The following TEKT5 variants were observed in gnomAD, a reference collection of about 807,000 sequenced individuals.
The protein encoded by TEKT5 is tektin 5, also known as tektin-5.
A neutral mutation model predicts 48.7 loss-of-function variants in TEKT5; 52 were observed. The observed-to-expected ratio is 1.07, with a 90% confidence interval of 0.86 to 1.35. The LOEUF is 1.35. Among genes scored for constraint, TEKT5 ranks in the 40% most tolerant of loss-of-function variants. The pLI is 0.00. For synonymous variants in TEKT5, 318 were observed against 267.6 expected, an observed-to-expected ratio of 1.19 and a Z score of -1.84; for missense variants, 831 against 641.6, an observed-to-expected ratio of 1.30 and a Z score of -3.19.
At position 10,694,460 on chromosome 16, in the gene TEKT5, G is replaced by A. The variant is rs1284154948; in HGVS notation, c.414C>T (p.Cys138=). ...CCGACAGCCTCTGGCCCAGGTTCCG[G>A]CAGGTGCCCTCCTGCATCTGGTGCG... The part of the protein sequence containing the change: ...QLTHQMQEGT[C]RNLGQRLSDI... Residue 138 remains cysteine (C), a synonymous_variant, in exon 1 of 7, where the codon TGC becomes TGT. Coordinates refer to ENST00000283025, the MANE Select transcript of TEKT5 (RefSeq NM_144674.2). The A allele has an allele frequency of 1.2e-6, 2 of 1,614,156 alleles. No individual in the cohort carries two copies. Among genetic ancestry groups the A allele is most frequent in the Non-Finnish European group, 1.7e-6 (2 of 1,180,036 alleles).
intron 5 of TEKT5, among the ~76,000 whole-genome samples, chr16:10,663,387 T>G (rs1898407157): frequency 6.6e-6 from 1 of 152,236 alleles, no homozygotes; most frequent in South Asian, 2.1e-4. Context: ...CTGGATGTTT[T>G]GTGCAACCTT....
At chr16:10,689,873 G>A (rs1898936611) in intron 2 of TEKT5, 69 bp downstream of exon 2, 1 of 1,500,212 alleles carries the variant, frequency 6.7e-7, no homozygotes, top group Non-Finnish European at 9.2e-7. Flanking sequence ...AGGTAGCTCA[G>A]TAATTTCTCT....
At chr16:10,649,536 G>C (rs1215381108) in intron 5 of TEKT5, among the ~76,000 whole-genome samples, 3 of 151,946 alleles carry the variant, frequency 2.0e-5, no homozygotes, top group Non-Finnish European at 2.9e-5. Flanking sequence ...CAGGCCTCAA[G>C]TGATCCTCCC....
chr16:10,685,743 CTCT>C (rs1898853019), intron 3 of TEKT5, among the ~76,000 whole-genome samples: 1 of 152,156 alleles, frequency 6.6e-6, no homozygotes, highest in Admixed American at 6.6e-5. Context: ...CTCTGTTTAT[CTCT>C]TCATGTCTCT....
chr16:10,667,522 T>C (rs1898478621), intron 5 of TEKT5, among the ~76,000 whole-genome samples: 1 of 152,236 alleles, frequency 6.6e-6, no homozygotes, highest in Admixed American at 6.5e-5. Context: ...TGTCTGTAAA[T>C]ATCATCCGAC....
chr16:10,689,254 G>C lies in TEKT5; in HGVS notation c.718C>G (p.Arg240Gly). Residue 240 changes from arginine (R) to glycine (G), a missense_variant and splice_region_variant, in exon 3 of 7, where the codon CGG (arginine) becomes GGG (glycine). Coordinates refer to ENST00000283025, the MANE Select transcript of TEKT5 (RefSeq NM_144674.2). The part of the protein sequence containing the change: ...KLAQRIDIQM[R>G]DNRDAQHVLE... ...ATTAAAAAAAAAAAAAGCCCTTACC[G>C]CATCTGGATATCAATTCTTTGAGCT... The C allele has an allele frequency of 6.3e-7, 1 of 1,591,930 alleles. No individual in the cohort carries two copies. Among genetic ancestry groups the C allele is most frequent in the African/African-American group, 1.4e-5 (1 of 72,752 alleles).
At chr16:10,681,554 C>G (rs566720387) in intron 4 of TEKT5, among the ~76,000 whole-genome samples, 2 of 152,064 alleles carry the variant, frequency 1.3e-5, no homozygotes, top group South Asian at 4.1e-4. Flanking sequence ...CACCAGCCGA[C>G]CCCAGTTGGT....
intron 3 of TEKT5, among the ~76,000 whole-genome samples, 194 bp from the exon 4 acceptor site, chr16:10,682,330 CTTTT>C (rs34813327): frequency 4.7e-5 from 7 of 149,000 alleles, no homozygotes; most frequent in Non-Finnish European, 7.5e-5. Context: ...GTCCTTTATT[CTTTT>C]TTTTTTGTTT....
chr16:10,647,892 A>G (rs1195608938), intron 5 of TEKT5, among the ~76,000 whole-genome samples: 1 of 152,254 alleles, frequency 6.6e-6, no homozygotes, highest in Non-Finnish European at 1.5e-5. Context: ...CCGAGTAACC[A>G]CAACAGCTGG....
chr16:10,677,754 G>A (rs1898673741), intron 4 of TEKT5, among the ~76,000 whole-genome samples: 2 of 116,840 alleles, frequency 1.7e-5, no homozygotes, highest in Admixed American at 1.5e-4. Context: ...GGAGGTAGCA[G>A]GAGAAGAAAT....
chr16:10,657,997 G>T (rs1898292065), intron 5 of TEKT5, among the ~76,000 whole-genome samples: 1 of 152,010 alleles, frequency 6.6e-6, no homozygotes, highest in South Asian at 2.1e-4. Context: ...AGTTACAGTT[G>T]TCCAGCCATC....
intron 5 of TEKT5, among the ~76,000 whole-genome samples, chr16:10,636,375 C>CA (rs35709495): frequency 0.5 from 68,737 of 138,068 alleles, 17,274 homozygotes; most frequent in Admixed American, 0.64. Context: ...GACTTTGTCT[C>CA]AAAAAAAAAA....
At chr16:10,643,516 C>T (rs1898025298) in intron 5 of TEKT5, among the ~76,000 whole-genome samples, 1 of 152,204 alleles carries the variant, frequency 6.6e-6, no homozygotes, top group Non-Finnish European at 1.5e-5. Flanking sequence ...CCTGTGCTGT[C>T]CAACATGAGG....
intron 5 of TEKT5, among the ~76,000 whole-genome samples, chr16:10,657,764 T>C (rs552976337): frequency 6.6e-6 from 1 of 151,614 alleles, no homozygotes; most frequent in South Asian, 2.1e-4. Flanking sequence ...TAATTTTTTT[T>C]TTTTTTTTTG....
intron 5 of TEKT5, among the ~76,000 whole-genome samples, chr16:10,647,797 CCA>C (rs982526017): frequency 3.3e-5 from 5 of 152,196 alleles, no homozygotes; most frequent in African/African-American, 1.2e-4. Flanking sequence ...ATTCATTCAT[CCA>C]CAGAGTCATT....
intron 5 of TEKT5, among the ~76,000 whole-genome samples, chr16:10,660,450 T>A (rs1293787691): frequency 6.6e-6 from 1 of 151,200 alleles, no homozygotes; most frequent in East Asian, 1.9e-4. Context: ...GAGGCCCAGG[T>A]TCCCATCTCA....
intron 5 of TEKT5, among the ~76,000 whole-genome samples, chr16:10,639,540 G>T (rs563803694): frequency 6.6e-6 from 1 of 152,296 alleles, no homozygotes; most frequent in South Asian, 2.1e-4. Context: ...CATCAAGTGT[G>T]TGACAAGAAA....
chr16:10,679,897 C>CAAATAAATACATAAATAAAT (rs1898714645), intron 4 of TEKT5, among the ~76,000 whole-genome samples: 1 of 150,316 alleles, frequency 6.7e-6, no homozygotes, highest in Admixed American at 6.7e-5. Flanking sequence ...AACTCGGTCT[C>CAAATAAATACATAAATAAAT]AAATAAATAA....
intron 2 of TEKT5, among the ~76,000 whole-genome samples, 168 bp from the exon 3 acceptor site, chr16:10,689,491 G>T (rs1898927026): frequency 6.7e-6 from 1 of 148,994 alleles, no homozygotes; most frequent in African/African-American, 2.5e-5. Context: ...CCAGGGCCAG[G>T]CAGCTAAGGG....
Sources: allele counts gnomAD v4.1 joint callset (sites outside exome capture counted in the v4.1 genomes callset), GRCh38; gene constraint gnomAD v4.1.1; transcripts MANE v1.5; gene names NCBI Gene and HGNC (gene_info 2026-07-23, HGNC 2026-07-21).